Variants in RNF169 observed in about 807,000 individuals in gnomAD.
The protein encoded by RNF169 is ring finger protein 169, also known as E3 ubiquitin-protein ligase RNF169.
Under a neutral mutation model 53.9 loss-of-function variants are expected in RNF169, and 24 were observed. The observed-to-expected ratio is 0.45, with a 90% CI of 0.32 to 0.63. The LOEUF is 0.63. Among genes scored for constraint, RNF169 ranks in the 20% least tolerant of loss-of-function variants. The pLI is 0.04. For synonymous variants in RNF169, 396 were observed against 363.5 expected, an observed-to-expected ratio of 1.09 and a Z score of -1.02; for missense variants, 883 against 906.2, an observed-to-expected ratio of 0.97 and a Z score of 0.33.
chr11:74,836,293 A>G lies in RNF169; in HGVS notation c.1690A>G (p.Ile564Val). The G allele has an allele frequency of 1.2e-6, 2 of 1,614,216 alleles. No homozygotes were observed. Among genetic ancestry groups the G allele is most frequent in the South Asian group, 1.1e-5 (1 of 91,084 alleles). ...AGATGCCAAGTTAGACAAAACCTGTATAAGCAGAGCCATGAAAATCACCAC... is the reference window on the plus strand; with the variant it reads ...AGATGCCAAGTTAGACAAAACCTGTGTAAGCAGAGCCATGAAAATCACCAC... The part of the protein sequence containing the change: ...TPDAKLDKTC[I>V]SRAMKITTVN... Residue 564 changes from isoleucine (I) to valine (V), a missense_variant, in exon 6 of 6, where the codon ATA becomes GTA. Coordinates refer to ENST00000299563, the MANE Select transcript of RNF169 (RefSeq NM_001098638.2).
intron 2 of RNF169, among the ~76,000 whole-genome samples, chr11:74,802,859 A>C (rs1280452224): frequency 6.6e-6 from 1 of 151,970 alleles, no homozygotes; most frequent in Non-Finnish European, 1.5e-5. Context: ...TTGCTGATTA[A>C]AAAAAGCTCA....
intron 1 of RNF169, among the ~76,000 whole-genome samples, chr11:74,764,267 C>T (rs7932031): frequency 0.019 from 2,840 of 152,342 alleles, 103 homozygotes; most frequent in African/African-American, 0.065. Flanking sequence ...GGTGCGGTAG[C>T]GCACGCCTAT....
rs1260192259 is a variant in RNF169 at position 74,757,985 on chromosome 11, A to G, written c.502+8603A>G. On this transcript the variant is annotated intron_variant, in intron 1 of 5. Coordinates refer to ENST00000299563, the MANE Select transcript of RNF169 (RefSeq NM_001098638.2). ...CTGATGGTAGTTTCTTTTGCTGTGC[A>G]GAAGCTCTTTAGTTTAATTAGATCC... 2.6e-3 allele frequency among the ~76,000 whole-genome samples: 202 copies of G among 77,418 alleles called. 40 individuals are homozygous for G. Among genetic ancestry groups the G allele is most frequent in the Admixed American group, 0.012 (73 of 6,128 alleles). 50.8% of individuals were successfully genotyped at this position (77,418 alleles called of 152,430 possible). A position where few individuals can be genotyped will look rare whatever the true frequency, so the allele number is the denominator to read the frequency against.
chr11:74,804,570 T>G (rs1174054793), intron 2 of RNF169, among the ~76,000 whole-genome samples: 1 of 152,226 alleles, frequency 6.6e-6, no homozygotes, highest in East Asian at 1.9e-4. Context: ...AAAAATTGGG[T>G]AATTACCTTG....
At chr11:74,785,254 G>T (rs776254292) in intron 1 of RNF169, among the ~76,000 whole-genome samples, 1,463 of 135,664 alleles carry the variant, frequency 0.011, 36 homozygotes, top group African/African-American at 0.039. Context: ...ATATATGTTA[G>T]ATATATATGT....
chr11:74,780,493 C>T (rs1461481692), intron 1 of RNF169, among the ~76,000 whole-genome samples: 1 of 152,220 alleles, frequency 6.6e-6, no homozygotes, highest in Non-Finnish European at 1.5e-5. Context: ...TAATTCACCT[C>T]CTCCAGGAAG....
rs533215062 is a variant in RNF169, at chr11:74,836,496, A to G, written c.1893A>G (p.Leu631=). The change falls in exon 6 of 6, where the codon TTA becomes TTG. Residue 631 remains leucine, a synonymous_variant. Transcript: ENST00000299563. ...GRKRHCKTKH[L]EQNGSLKKLR... ...AAAGACACTGCAAGACCAAGCACTT[A>G]GAACAAAATGGCTCCCTTAAAAAAC... The G allele has an allele frequency of 6.2e-7, 1 of 1,614,218 alleles. No individual in the cohort carries two copies. Among genetic ancestry groups the G allele is most frequent in the African/African-American group, 1.3e-5 (1 of 75,066 alleles).
rs1022343956 is a variant in RNF169 at position 74,832,829 on chromosome 11, C to T, written c.843-1847C>T. On this transcript the variant is annotated intron_variant, in intron 4 of 5. Transcript: ENST00000299563. Reference sequence around the variant, plus strand: ...TACCACAGCATTTTAATCTGCCATACAGTATACTTCTGGGTGGCTTATGCC... The same window carrying T: ...TACCACAGCATTTTAATCTGCCATATAGTATACTTCTGGGTGGCTTATGCC... Among the ~76,000 whole-genome samples, 4 of 152,308 alleles carry T rather than the reference C, an allele frequency of 2.6e-5. No homozygotes were observed. The East Asian group carries it at 7.7e-4, about 29-fold the overall frequency.
Position 74,835,822 on chromosome 11 carries a change from A to G in RNF169, c.1219A>G (p.Ile407Val), listed in dbSNP as rs1305492742. Residue 407 changes from isoleucine to valine, a missense_variant, in exon 6 of 6, where the codon ATC becomes GTC. Ile to Val is a conservative substitution (Grantham distance 29). Transcript: ENST00000299563. ...TGGCCGTGTGCTAAGTCCTCTCATC[A>G]TCAAATCAACTCCACGCAACCTAAA... is the stretch of plus-strand genomic sequence containing the variant. Reference protein sequence around the residue: ...PDGRVLSPLIIKSTPRNLNRS... With the variant: ...PDGRVLSPLIVKSTPRNLNRS... The G allele has an allele frequency of 2.5e-6, 4 of 1,614,164 alleles. No individual in the cohort carries two copies. The highest frequency in any genetic ancestry group is 3.4e-6 in the Non-Finnish European group (4 of 1,180,024).
chr11:74,794,179 A>G (rs973704708), intron 2 of RNF169, among the ~76,000 whole-genome samples: 6 of 152,232 alleles, frequency 3.9e-5, no homozygotes, highest in African/African-American at 1.4e-4. Context: ...TGGATTGGCA[A>G]CTAGCTGCCT....
intron 2 of RNF169, among the ~76,000 whole-genome samples, chr11:74,808,729 C>G (rs2035836679): frequency 6.6e-6 from 1 of 152,194 alleles, no homozygotes; most frequent in African/African-American, 2.4e-5. Context: ...CCTCTGTCCT[C>G]TAAAAGTAAA....
intron 2 of RNF169, among the ~76,000 whole-genome samples, chr11:74,794,803 GTTGT>G (rs1409769609): frequency 6.6e-6 from 1 of 152,076 alleles, no homozygotes; most frequent in Non-Finnish European, 1.5e-5. Context: ...GAGAAGCTAG[GTTGT>G]TTGTTTGAAG....
intron 1 of RNF169, among the ~76,000 whole-genome samples, chr11:74,769,161 T>C (rs115754718): frequency 0.021 from 3,229 of 152,278 alleles, 112 homozygotes; most frequent in African/African-American, 0.074. Flanking sequence ...ATATATGAAC[T>C]ACAAATCATT....
intron 1 of RNF169, among the ~76,000 whole-genome samples, chr11:74,775,283 A>G (rs1010614096): frequency 6.6e-6 from 1 of 152,228 alleles, no homozygotes; most frequent in Non-Finnish European, 1.5e-5. Context: ...TTATACATTA[A>G]TAGGGATGTT....
chr11:74,755,513 A>G (rs2034967865), intron 1 of RNF169, among the ~76,000 whole-genome samples: 1 of 152,382 alleles, frequency 6.6e-6, no homozygotes, highest in Non-Finnish European at 1.5e-5. Context: ...TGCAATAAAA[A>G]AAGATGAATA....
chr11:74,806,434 T>C (rs1440235224), intron 2 of RNF169, among the ~76,000 whole-genome samples: 1 of 152,224 alleles, frequency 6.6e-6, no homozygotes, highest in Non-Finnish European at 1.5e-5. Context: ...GCGTACCTTA[T>C]GACTCAGCAG....
intron 1 of RNF169, among the ~76,000 whole-genome samples, chr11:74,775,356 T>C (rs1439006389): frequency 1.3e-5 from 2 of 152,184 alleles, no homozygotes; most frequent in Non-Finnish European, 2.9e-5. Flanking sequence ...TCTTTTTCTT[T>C]TTTTTGTTCT....
chr11:74,794,850 G>GT, intron 2 of RNF169, among the ~76,000 whole-genome samples: 1 of 152,202 alleles, frequency 6.6e-6, no homozygotes, highest in East Asian at 1.9e-4. Flanking sequence ...CCAGCCTGGA[G>GT]TGCAGTGTTG....
intron 1 of RNF169, among the ~76,000 whole-genome samples, chr11:74,770,163 G>A (rs1056084636): frequency 6.6e-6 from 1 of 152,220 alleles, no homozygotes; most frequent in Non-Finnish European, 1.5e-5. Context: ...AAGTACAATT[G>A]TAAGAACCAA....
Sources: gnomAD v4.1 joint callset for allele counts (sites outside exome capture counted in the v4.1 genomes callset) on GRCh38, gnomAD v4.1.1 for gene constraint, MANE v1.5 for transcripts, NCBI Gene and HGNC (gene_info 2026-07-23, HGNC 2026-07-21) for gene names.